Variants in SGCD observed in about 807,000 individuals in gnomAD.
SGCD encodes delta-sarcoglycan.
In SGCD, 18 loss-of-function variants were observed where a neutral mutation model predicts 36.6. That is an observed-to-expected ratio of 0.49 (90% CI 0.34 to 0.73). The LOEUF (loss-of-function observed/expected upper bound fraction) is 0.73. Among genes scored for constraint, SGCD ranks in the 30% least tolerant of loss-of-function variants. SGCD has a pLI of 0.01. For synonymous variants in SGCD, 133 were observed against 130.6 expected (o/e 1.02, Z -0.12); for missense variants, 387 against 346.7 (o/e 1.12, Z -0.92).
chr5:155,736,044 C>A, the SGCD span, among the ~76,000 whole-genome samples: 1 of 152,114 alleles, frequency 6.6e-6, no homozygotes, highest in Non-Finnish European at 1.5e-5. Flanking sequence ...TTCTTTCTAC[C>A]CCTGGGATGC....
intron 1 of SGCD, among the ~76,000 whole-genome samples, chr5:155,962,546 C>T (rs759897831): frequency 6.6e-5 from 10 of 152,014 alleles, no homozygotes; most frequent in South Asian, 2.1e-4. Context: ...GAGGTAGTAG[C>T]GGGAATAGCA....
chr5:156,039,258 T>G (rs1408335384), intron 1 of SGCD, among the ~76,000 whole-genome samples: 1 of 152,160 alleles, frequency 6.6e-6, no homozygotes, highest in Non-Finnish European at 1.5e-5. Context: ...ATTTTTTACC[T>G]TCTACAGCAT....
At chr5:156,648,889 A>C (rs1210464462) in intron 7 of SGCD, among the ~76,000 whole-genome samples, 1 of 152,148 alleles carries the variant, frequency 6.6e-6, no homozygotes, top group African/African-American at 2.4e-5. Flanking sequence ...GTGATGGAAG[A>C]GGTCTTTTGA....
chr5:156,323,880 G>A (rs1486012277), upstream of SGCD, among the ~76,000 whole-genome samples: 1 of 152,134 alleles, frequency 6.6e-6, no homozygotes, highest in Non-Finnish European at 1.5e-5. Context: ...GCAAAAGTGA[G>A]AACCGAGTAC....
At chr5:156,472,346 A>G (rs1426382512) in intron 3 of SGCD, among the ~76,000 whole-genome samples, 1 of 152,250 alleles carries the variant, frequency 6.6e-6, no homozygotes. Flanking sequence ...CATCAACAGA[A>G]GAATGGATAC....
chr5:156,143,334 C>T (rs1762619875), intron 3 of SGCD, among the ~76,000 whole-genome samples: 1 of 152,206 alleles, frequency 6.6e-6, no homozygotes, highest in Admixed American at 6.5e-5. Flanking sequence ...AGAGATAGAG[C>T]CCTCACAGAG....
rs559610690 is a variant in SGCD at position 156,084,183 on chromosome 5, G to A, written c.-281-33695G>A. ...GCATCAAACTTGTAGTTCAATTTGGGGAGATTTGACACATTTATTATGATA... is the reference window on the plus strand; with the variant it reads ...GCATCAAACTTGTAGTTCAATTTGGAGAGATTTGACACATTTATTATGATA... On this transcript the variant is annotated intron_variant, in intron 1 of 9. Transcript: ENST00000517913. Among the ~76,000 whole-genome samples, 262 of 152,236 alleles carry A rather than the reference G, an allele frequency of 1.7e-3. 1 individual carries two copies. Among genetic ancestry groups the A allele is most frequent in the African/African-American group, 5.9e-3 (244 of 41,558 alleles).
chr5:155,963,882 T>C (rs2113453949), intron 1 of SGCD, among the ~76,000 whole-genome samples: 1 of 152,234 alleles, frequency 6.6e-6, no homozygotes, highest in African/African-American at 2.4e-5. Context: ...TCACCTGAAA[T>C]TGAAGCATCA....
chr5:156,447,250 T>C (rs976291718), intron 3 of SGCD, among the ~76,000 whole-genome samples: 1 of 152,240 alleles, frequency 6.6e-6, no homozygotes, highest in African/African-American at 2.4e-5. Flanking sequence ...ACACCGTTTC[T>C]GTACAGATAG....
At chr5:156,308,752 G>A (rs1395058413) in intron 3 of SGCD, among the ~76,000 whole-genome samples, 1 of 152,164 alleles carries the variant, frequency 6.6e-6, no homozygotes, top group African/African-American at 2.4e-5. Context: ...GATTTGCATG[G>A]AGACACAGAA....
intron 3 of SGCD, among the ~76,000 whole-genome samples, chr5:156,241,096 T>G (rs1384640046): frequency 6.6e-6 from 1 of 152,218 alleles, no homozygotes; most frequent in Non-Finnish European, 1.5e-5. Context: ...AACAGTAAAC[T>G]GTGTTTAAGG....
intron 4 of SGCD, among the ~76,000 whole-genome samples, chr5:156,574,102 A>G (rs1456361770): frequency 6.6e-6 from 1 of 152,178 alleles, no homozygotes; most frequent in Non-Finnish European, 1.5e-5. Context: ...GACACCTATG[A>G]GGCAATGCTA....
At chr5:155,823,750 A>G in the SGCD span, among the ~76,000 whole-genome samples, 3 of 152,228 alleles carry the variant, frequency 2.0e-5, no homozygotes, top group Non-Finnish European at 4.4e-5. Flanking sequence ...AGCAGTAGCT[A>G]TAAACTTTGG....
chr5:155,937,290 G>T (rs1561655872), intron 1 of SGCD, among the ~76,000 whole-genome samples: 1 of 152,186 alleles, frequency 6.6e-6, no homozygotes, highest in Admixed American at 6.5e-5. Flanking sequence ...CAGCATCTTG[G>T]CAGCAGCTGC....
At chr5:156,500,489 C>A (rs1756397643) in intron 3 of SGCD, among the ~76,000 whole-genome samples, 1 of 152,176 alleles carries the variant, frequency 6.6e-6, no homozygotes, top group African/African-American at 2.4e-5. Context: ...CAGGTCTTGG[C>A]ATTACTTTCA....
At chr5:156,416,978 T>C (rs980519829) in intron 3 of SGCD, among the ~76,000 whole-genome samples, 24 of 152,304 alleles carry the variant, frequency 1.6e-4, no homozygotes, top group African/African-American at 5.8e-4. Context: ...CTAAGTCAAA[T>C]GCAGTTTCAA....
At chr5:156,198,535 G>A (rs73300675) in intron 3 of SGCD, among the ~76,000 whole-genome samples, 2,391 of 152,162 alleles carry the variant, frequency 0.016, 47 homozygotes, top group African/African-American at 0.046. Context: ...CGAGTAGTTG[G>A]ACTGGGATTT....
At chr5:155,783,466 T>A in the SGCD span, among the ~76,000 whole-genome samples, 1 of 152,088 alleles carries the variant, frequency 6.6e-6, no homozygotes, top group Non-Finnish European at 1.5e-5. Context: ...TAACAGATAA[T>A]CTAGCTGGCA....
At chr5:156,435,810 C>G (rs1753215807) in intron 3 of SGCD, among the ~76,000 whole-genome samples, 1 of 152,164 alleles carries the variant, frequency 6.6e-6, no homozygotes, top group South Asian at 2.1e-4. Flanking sequence ...TGTGGTGATA[C>G]ATTGTTCAAC....
Sources: allele counts gnomAD v4.1 joint callset (sites outside exome capture counted in the v4.1 genomes callset), GRCh38; gene constraint gnomAD v4.1.1; transcripts MANE v1.5; gene names NCBI Gene and HGNC (gene_info 2026-07-23, HGNC 2026-07-21).